Variants in EPS15 observed in about 807,000 individuals in gnomAD.
The protein encoded by EPS15 is epidermal growth factor receptor pathway substrate 15, also known as epidermal growth factor receptor substrate 15.
Under a neutral mutation model 113.8 loss-of-function variants are expected in EPS15, and 72 were observed. The observed-to-expected ratio is 0.63, with a 90% CI of 0.52 to 0.77. The LOEUF (loss-of-function observed/expected upper bound fraction) is 0.77, where lower values mean the gene tolerates loss of function less well. Among genes scored for constraint, EPS15 ranks in the 30% least tolerant of loss-of-function variants. The probability of loss-of-function intolerance (pLI) is 0.00; values close to 1 mark genes in which losing one functional copy is unlikely to be tolerated. For missense variants in EPS15, 1,048 were observed against 1,045.8 expected (o/e 1.00, Z -0.03); for synonymous variants, 344 against 363.4 (o/e 0.95, Z 0.61).
At chr1:51,444,751 TA>T in intron 11 of EPS15, 137 bp downstream of exon 11, 1 of 781,428 alleles carries the variant, frequency 1.3e-6, no homozygotes, top group Non-Finnish European at 1.9e-6. Context: ...AGGCACAAAC[TA>T]AACCACAAAC....
chr1:51,468,583 T>A lies in EPS15; in HGVS notation c.214-15A>T, dbSNP rs374799731. 4.6e-5 allele frequency: 72 copies of A among 1,570,070 alleles called. No homozygotes were observed. The highest frequency in any genetic ancestry group is 5.8e-5 in the Non-Finnish European group (66 of 1,141,436). The stretch of plus-strand genomic sequence containing the variant: ...ACAAAGAATTCCTAAGAAAGAAAAG[T>A]ATGAATGTTAAGAGCATTCTCCCTC... On this transcript the variant is annotated splice_polypyrimidine_tract_variant and intron_variant, in intron 4 of 24. Coordinates refer to ENST00000371733, the MANE Select transcript of EPS15 (RefSeq NM_001981.3).
intron 7 of EPS15, among the ~76,000 whole-genome samples, chr1:51,462,722 T>C (rs1654553746): frequency 6.6e-6 from 1 of 152,146 alleles, no homozygotes; most frequent in Non-Finnish European, 1.5e-5. Context: ...TTCATGGCGA[T>C]GGATATTGGG....
intron 21 of EPS15, among the ~76,000 whole-genome samples, chr1:51,369,454 C>G (rs1646591980): frequency 6.6e-6 from 1 of 152,284 alleles, no homozygotes; most frequent in African/African-American, 2.4e-5. Context: ...TATGAGCCAG[C>G]AGAACTGGGC....
At chr1:51,487,388 AT>A (rs1159196345) in intron 1 of EPS15, among the ~76,000 whole-genome samples, 1 of 152,228 alleles carries the variant, frequency 6.6e-6, no homozygotes, top group Non-Finnish European at 1.5e-5. Flanking sequence ...AAATGGAGCT[AT>A]TTTATTGATC....
rs935795539 is a variant in EPS15 at position 51,437,773 on chromosome 1, G to A, written c.1040+2574C>T. Among the ~76,000 whole-genome samples the A allele has an allele frequency of 5.3e-5, 8 of 152,062 alleles. No homozygotes were observed. In the East Asian group the frequency reaches 1.4e-3, roughly 26 times the overall value. On this transcript the variant is annotated intron_variant, in intron 12 of 24. Coordinates refer to ENST00000371733, the MANE Select transcript of EPS15 (RefSeq NM_001981.3). The stretch of plus-strand genomic sequence containing the variant: ...ACTGGGATTACAGGCATCAGCTATC[G>A]CGCCCAGCCCCTGGACTAAAACTAA...
intron 1 of EPS15, among the ~76,000 whole-genome samples, chr1:51,493,579 A>AATAAATAAAAAT (rs1264942186): frequency 1.4e-5 from 2 of 140,908 alleles, no homozygotes; most frequent in Non-Finnish European, 3.1e-5. Context: ...TAAATAAATA[A>AATAAATAAAAAT]AAATAAAGCT....
At chr1:51,380,359 T>C (rs1646913395) in intron 21 of EPS15, among the ~76,000 whole-genome samples, 4 of 152,142 alleles carry the variant, frequency 2.6e-5, no homozygotes, top group African/African-American at 2.4e-5. Flanking sequence ...ATATAAAAAA[T>C]AGTATTACTA....
chr1:51,387,255 A>C (rs1291453672), intron 21 of EPS15, among the ~76,000 whole-genome samples: 1 of 152,186 alleles, frequency 6.6e-6, no homozygotes, highest in Non-Finnish European at 1.5e-5. Flanking sequence ...AATACTTTAC[A>C]GACAAGCAAA....
At chr1:51,461,206 C>G in intron 7 of EPS15, 56 bp from the exon 8 acceptor site, 1 of 1,292,050 alleles carries the variant, frequency 7.7e-7, no homozygotes, top group Non-Finnish European at 1.1e-6. Context: ...ATGTTCTACT[C>G]GAGGGCAAGA....
intron 21 of EPS15, among the ~76,000 whole-genome samples, chr1:51,387,608 T>C (rs1334111510): frequency 1.3e-4 from 19 of 151,284 alleles, no homozygotes; most frequent in African/African-American, 3.2e-4. Flanking sequence ...AGGCTCAAAA[T>C]AGAAGGATGG....
chr1:51,474,675 CT>C (rs1010674732), intron 2 of EPS15, among the ~76,000 whole-genome samples: 1 of 151,618 alleles, frequency 6.6e-6, no homozygotes, highest in East Asian at 1.9e-4. Flanking sequence ...AAATAGTTTT[CT>C]TTTTTTATTA....
At chr1:51,466,478 C>T (rs1353332128) in intron 5 of EPS15, among the ~76,000 whole-genome samples, 1 of 151,452 alleles carries the variant, frequency 6.6e-6, no homozygotes, top group East Asian at 1.9e-4. Flanking sequence ...AAAAATTTAG[C>T]CGGGTGTGGT....
intron 21 of EPS15, among the ~76,000 whole-genome samples, chr1:51,379,125 GT>G (rs546026801): frequency 3.3e-5 from 5 of 151,994 alleles, no homozygotes; most frequent in South Asian, 2.1e-4. Flanking sequence ...CTCAATAATT[GT>G]TTTTTTCTTT....
intron 1 of EPS15, among the ~76,000 whole-genome samples, chr1:51,501,392 G>A (rs562063274): frequency 5.9e-5 from 9 of 151,942 alleles, no homozygotes; most frequent in Non-Finnish European, 1.3e-4. Flanking sequence ...TAACAAAAGC[G>A]AAACTCCAAC....
intron 13 of EPS15, among the ~76,000 whole-genome samples, chr1:51,421,542 A>T (rs1278772289): frequency 2.6e-5 from 4 of 152,138 alleles, no homozygotes. Context: ...AGTACCATTT[A>T]AAAAATACTT....
rs1329227403 is a variant in EPS15, at chr1:51,472,855, CT to C, written c.165+3del. On this transcript the variant is annotated splice_donor_region_variant and intron_variant, in intron 3 of 24. Transcript: ENST00000371733. Reference sequence around the variant, plus strand: ...ATAATCTAGTTATAATGAACGAATACTACCTTTCCAAGTATCAAGTCTGGAA... The same window carrying C: ...ATAATCTAGTTATAATGAACGAATACACCTTTCCAAGTATCAAGTCTGGAA... The C allele has an allele frequency of 2.5e-6, 4 of 1,604,902 alleles. No homozygotes were observed. Among genetic ancestry groups the C allele is most frequent in the Non-Finnish European group, 3.4e-6 (4 of 1,171,856 alleles).
chr1:51,371,703 A>C (rs1646659605), intron 21 of EPS15, among the ~76,000 whole-genome samples: 1 of 152,156 alleles, frequency 6.6e-6, no homozygotes, highest in Non-Finnish European at 1.5e-5. Flanking sequence ...TTGAAGAAAA[A>C]TGTTTTTTAT....
chr1:51,384,616 G>T (rs1382059265), intron 21 of EPS15, among the ~76,000 whole-genome samples: 1 of 151,966 alleles, frequency 6.6e-6, no homozygotes, highest in African/African-American at 2.4e-5. Flanking sequence ...GGGATTACAT[G>T]CATGAGCCAC....
At chr1:51,443,185 T>C (rs1245604562) in intron 11 of EPS15, among the ~76,000 whole-genome samples, 2 of 152,120 alleles carry the variant, frequency 1.3e-5, no homozygotes, top group Non-Finnish European at 2.9e-5. Context: ...CTATACCTCA[T>C]GCAACTTCAA....
Sources: gnomAD v4.1 joint callset for allele counts (sites outside exome capture counted in the v4.1 genomes callset) on GRCh38, gnomAD v4.1.1 for gene constraint, MANE v1.5 for transcripts, NCBI Gene and HGNC (gene_info 2026-07-23, HGNC 2026-07-21) for gene names.